ATP8B4: variants seen among roughly 807,000 people sequenced by gnomAD.
ATP8B4 encodes ATPase phospholipid transporting 8B4 (putative), also known as probable phospholipid-transporting ATPase IM.
A neutral mutation model predicts 145.6 loss-of-function variants in ATP8B4; 133 were observed. The observed-to-expected ratio is 0.91, with a 90% CI of 0.79 to 1.05. The LOEUF (loss-of-function observed/expected upper bound fraction) is 1.05, where lower values mean the gene tolerates loss of function less well. Ranked by LOEUF, ATP8B4 falls within the 50% of genes least tolerant of loss-of-function variation. The pLI is 0.00. For missense variants in ATP8B4, 1,458 were observed against 1,425.2 expected, an observed-to-expected ratio of 1.02 and a Z score of -0.37; for synonymous variants, 507 against 492.9, an observed-to-expected ratio of 1.03 and a Z score of -0.38.
chr15:49,925,564 T>C (rs2040639252), intron 16 of ATP8B4, among the ~76,000 whole-genome samples: 1 of 152,206 alleles, frequency 6.6e-6, no homozygotes, highest in African/African-American at 2.4e-5. Context: ...CACAAACTGA[T>C]TGTGATTTGT....
chr15:49,860,402 CT>C lies in ATP8B4; in HGVS notation c.3370del (p.Ser1124AlafsTer58). ...AAAAGCATATCCAGACCTTCTTGAG[CT>C]TGACCTGCGGGTCCGAGGCCTTCGG... ...SSRRPRTRRS[S>X]SRRSGYAFAH... is the part of the protein sequence containing the mutation. On this transcript the variant is annotated frameshift_variant, in exon 28 of 28. Transcript: ENST00000284509. LOFTEE classifies it high-confidence loss of function. 1 of 1,614,114 alleles carries C rather than the reference CT, an allele frequency of 6.2e-7. No homozygotes were observed. The highest frequency in any genetic ancestry group is 8.5e-7 in the Non-Finnish European group (1 of 1,180,004).
intron 3 of ATP8B4, among the ~76,000 whole-genome samples, chr15:50,060,728 A>T (rs2052949378): frequency 6.6e-6 from 1 of 152,180 alleles, no homozygotes; most frequent in Non-Finnish European, 1.5e-5. Context: ...CTGAAACTCA[A>T]ATATGTATAT....
rs78080824 is a variant in ATP8B4, at chr15:49,947,766, A to C, written c.1288-13584T>G. On this transcript the variant is annotated intron_variant, in intron 14 of 27. Coordinates refer to ENST00000284509, the MANE Select transcript of ATP8B4 (RefSeq NM_024837.4). ...AAAGCAGTGGGGTACTGGTATCCCC[A>C]GTAAAGACAGACACAGACCAGTGGA... Among the ~76,000 whole-genome samples the C allele has an allele frequency of 2.6e-4, 40 of 152,304 alleles. No individual in the cohort carries two copies. The East Asian group carries it at 7.7e-3, about 29-fold the overall frequency.
intron 1 of ATP8B4, among the ~76,000 whole-genome samples, chr15:50,118,101 G>C (rs989348228): frequency 1.3e-5 from 2 of 152,048 alleles, no homozygotes; most frequent in Non-Finnish European, 2.9e-5. Context: ...ACGGTAGTAT[G>C]ACAATAGATA....
intron 14 of ATP8B4, among the ~76,000 whole-genome samples, chr15:49,950,976 G>A (rs181909681): frequency 2.0e-5 from 3 of 152,252 alleles, no homozygotes; most frequent in Admixed American, 2.0e-4. Flanking sequence ...TCAGAAGCAG[G>A]TTGTTTAATT....
intron 26 of ATP8B4, among the ~76,000 whole-genome samples, chr15:49,863,178 G>C (rs747591592): frequency 1.3e-5 from 2 of 152,170 alleles, no homozygotes; most frequent in African/African-American, 2.4e-5. Flanking sequence ...ACCTGCCTCA[G>C]AGGAACTTGT....
intron 24 of ATP8B4, among the ~76,000 whole-genome samples, chr15:49,877,055 G>A (rs535962245): frequency 1.3e-5 from 2 of 152,170 alleles, no homozygotes; most frequent in South Asian, 4.1e-4. Flanking sequence ...ACTGCATTTG[G>A]GATTCCAGGT....
intron 6 of ATP8B4, among the ~76,000 whole-genome samples, chr15:50,033,029 T>C (rs78888335): frequency 6.6e-6 from 1 of 152,138 alleles, no homozygotes; most frequent in Non-Finnish European, 1.5e-5. Flanking sequence ...ACTAGAAAAG[T>C]TGATTGAACA....
chr15:50,107,390 A>C (rs1489806194), intron 1 of ATP8B4, among the ~76,000 whole-genome samples: 1 of 152,246 alleles, frequency 6.6e-6, no homozygotes, highest in African/African-American at 2.4e-5. Flanking sequence ...CCACAACTGA[A>C]CTTCGAGAGC....
intron 14 of ATP8B4, among the ~76,000 whole-genome samples, chr15:49,952,830 A>C (rs893689806): frequency 1.1e-4 from 17 of 151,968 alleles, no homozygotes; most frequent in Non-Finnish European, 2.4e-4. Flanking sequence ...TCTCATCTTC[A>C]TGAGTTTGTC....
At chr15:49,870,390 T>C (rs141662021) in intron 25 of ATP8B4, among the ~76,000 whole-genome samples, 143 of 152,322 alleles carry the variant, frequency 9.4e-4, no homozygotes, top group Middle Eastern at 3.4e-3. Flanking sequence ...GATGGTTCAT[T>C]TTATTTTAAA....
At chr15:49,861,468 ATC>A (rs1491410900) in intron 27 of ATP8B4, among the ~76,000 whole-genome samples, 4 of 149,238 alleles carry the variant, frequency 2.7e-5, no homozygotes, top group Non-Finnish European at 5.9e-5. Context: ...CTATCTATCT[ATC>A]TATCTACCTA....
intron 14 of ATP8B4, among the ~76,000 whole-genome samples, chr15:49,949,541 T>C (rs2042879636): frequency 6.6e-6 from 1 of 152,200 alleles, no homozygotes; most frequent in African/African-American, 2.4e-5. Context: ...TTTGCTGAAG[T>C]TGCTTATCAG....
At chr15:50,103,369 T>C (rs2056485712) in intron 2 of ATP8B4, among the ~76,000 whole-genome samples, 1 of 152,162 alleles carries the variant, frequency 6.6e-6, no homozygotes, top group Admixed American at 6.5e-5. Flanking sequence ...AAAAAGCTCC[T>C]AGAAACGGTA....
chr15:50,038,770 G>A lies in ATP8B4; in HGVS notation c.360C>T (p.Ser120=), dbSNP rs776898976. 8.7e-6 allele frequency: 14 copies of A among 1,610,088 alleles called. No homozygotes were observed. In the African/African-American group the frequency reaches 1.7e-4, roughly 20 times the overall value. Residue 120 remains serine, a splice_region_variant and synonymous_variant, in exon 6 of 28, where the codon AGC becomes AGT. Transcript: ENST00000284509. ...NNRQSEVLIN[S]KLQNEKWMNV... is the part of the protein sequence containing the mutation. ...AACCCACAGAATGTATTTCTTACTT[G>A]CTGTTGATGAGCACTTCAGACTGCC...
At chr15:50,075,853 A>G (rs1234970494) in intron 2 of ATP8B4, among the ~76,000 whole-genome samples, 1 of 152,214 alleles carries the variant, frequency 6.6e-6, no homozygotes, top group Non-Finnish European at 1.5e-5. Context: ...TTAAAAAGCT[A>G]GAAACTTATT....
chr15:50,163,954 T>C (rs2044558572), intron 1 of ATP8B4, among the ~76,000 whole-genome samples: 1 of 152,046 alleles, frequency 6.6e-6, no homozygotes, highest in Non-Finnish European at 1.5e-5. Context: ...ACTTCCAGTG[T>C]TCTCTCAAGG....
At position 50,064,194 on chromosome 15, in the gene ATP8B4, GC is replaced by G. The variant is rs531797343; in HGVS notation, c.87+9932del. 5.5e-3 allele frequency among the ~76,000 whole-genome samples: 833 copies of G among 152,218 alleles called. 8 individuals carry two copies. The highest frequency in any genetic ancestry group is 7.8e-3 in the Non-Finnish European group (530 of 67,990). ...AGGTTTTTCCTTTTGTATAAAAAAA[GC>G]CCTTCTTCCCTAAACTTTTGGACAA... On this transcript the variant is annotated intron_variant, in intron 3 of 27. Coordinates refer to ENST00000284509, the MANE Select transcript of ATP8B4 (RefSeq NM_024837.4).
chr15:49,897,490 G>T lies in ATP8B4; in HGVS notation c.2499C>A (p.Ser833Arg). The T allele has an allele frequency of 6.4e-7, 1 of 1,568,588 alleles. No individual in the cohort carries two copies. The highest frequency in any genetic ancestry group is 2.3e-5 in the East Asian group (1 of 44,396). The change falls in exon 23 of 28, where the codon AGC becomes AGA. Residue 833 changes from serine to arginine, a missense_variant. Physicochemically the swap from Ser to Arg is moderately radical, Grantham distance 110 (BLOSUM62 -1). Transcript: ENST00000284509. ...AGACTGCTTGCAATCCTTCCTGGCC[G>T]CTGATGCCAACACCAATGTGAGCAC... Reference protein sequence around the residue: ...IKSAHIGVGISGQEGLQAVLA... With the variant: ...IKSAHIGVGIRGQEGLQAVLA...
Sources: allele counts gnomAD v4.1 joint callset (sites outside exome capture counted in the v4.1 genomes callset), GRCh38; gene constraint gnomAD v4.1.1; transcripts MANE v1.5; gene names NCBI Gene and HGNC (gene_info 2026-07-23, HGNC 2026-07-21).